The following APC variants were observed in gnomAD, a reference collection of about 807,000 sequenced individuals.
APC encodes adenomatous polyposis coli protein.
Under a neutral mutation model 247.0 loss-of-function variants are expected in APC, and 72 were observed. That is an observed-to-expected ratio of 0.29 (90% CI 0.24 to 0.35). APC has a LOEUF of 0.35. APC is among the 10% of genes least tolerant of loss of function. The pLI is 1.00. For synonymous variants in APC, 1,254 were observed against 1,162.5 expected, an observed-to-expected ratio of 1.08 and a Z score of -1.60; for missense variants, 3,400 against 3,360.7, an observed-to-expected ratio of 1.01 and a Z score of -0.29.
chr5:112,709,283 A>G (rs1463866363), intron 1 of APC, among the ~76,000 whole-genome samples: 1 of 152,262 alleles, frequency 6.6e-6, no homozygotes, highest in Non-Finnish European at 1.5e-5. Context: ...CTCATAACAC[A>G]TAATCTATTT....
chr5:112,772,810 C>T (rs1757208057), intron 4 of APC, among the ~76,000 whole-genome samples: 1 of 152,206 alleles, frequency 6.6e-6, no homozygotes, highest in South Asian at 2.1e-4. Flanking sequence ...ACCCGCCGTG[C>T]CTGGCCCCAA....
chr5:112,793,705 T>C (rs1580428854), intron 7 of APC, among the ~76,000 whole-genome samples: 1 of 152,026 alleles, frequency 6.6e-6, no homozygotes, highest in East Asian at 1.9e-4. Context: ...AAAAAGAAAA[T>C]GGAGAAACTG....
intron 5 of APC, among the ~76,000 whole-genome samples, chr5:112,776,124 G>A (rs1757620718): frequency 6.6e-6 from 1 of 152,018 alleles, no homozygotes; most frequent in African/African-American, 2.4e-5. Flanking sequence ...AATAGTTTTT[G>A]CAATAAAAAT....
chr5:112,767,619 T>C lies in APC; in HGVS notation c.422+229T>C, dbSNP rs188223602. Among the ~76,000 whole-genome samples, 541 of 152,140 alleles carry C rather than the reference T, an allele frequency of 3.6e-3. 3 individuals are homozygous for C. Among genetic ancestry groups the C allele is most frequent in the African/African-American group, 0.013 (520 of 41,498 alleles). ...AAGACCTATTTTGTCACTTATTTTG[T>C]TTTTTTGTTTGTTTTTTGGGGTTTA... On this transcript the variant is annotated intron_variant, in intron 4 of 15. Coordinates refer to ENST00000257430, the MANE Select transcript of APC (RefSeq NM_000038.6).
intron 6 of APC, among the ~76,000 whole-genome samples, chr5:112,788,074 G>A (rs1759175334): frequency 6.6e-6 from 1 of 152,082 alleles, no homozygotes; most frequent in East Asian, 1.9e-4. Context: ...TCATCGATGA[G>A]TAATGTCATC....
At chr5:112,714,728 C>A (rs1297713245) in intron 1 of APC, among the ~76,000 whole-genome samples, 3 of 152,166 alleles carry the variant, frequency 2.0e-5, no homozygotes, top group Non-Finnish European at 4.4e-5. Flanking sequence ...AAACATCTAT[C>A]CCTAAAAAGT....
intron 3 of APC, 83 bp from the exon 4 acceptor site, chr5:112,767,106 C>G (rs1476484954): frequency 8.5e-7 from 1 of 1,173,000 alleles, no homozygotes; most frequent in Non-Finnish European, 1.2e-6. Flanking sequence ...CCTAATATTT[C>G]ACTTTAAAAT....
intron 14 of APC, among the ~76,000 whole-genome samples, chr5:112,831,444 A>T (rs948265429): frequency 3.9e-5 from 6 of 152,236 alleles, no homozygotes; most frequent in African/African-American, 1.4e-4. Context: ...TATAATATCC[A>T]GTTCTGATTT....
chr5:112,822,880 A>C (rs1010364900), intron 11 of APC, among the ~76,000 whole-genome samples: 1 of 152,182 alleles, frequency 6.6e-6, no homozygotes, highest in African/African-American at 2.4e-5. Flanking sequence ...AGACTCTTAC[A>C]CAGAGAACCT....
At chr5:112,741,724 A>C (rs1014320474) in intron 1 of APC, among the ~76,000 whole-genome samples, 2 of 152,144 alleles carry the variant, frequency 1.3e-5, no homozygotes, top group African/African-American at 4.8e-5. Context: ...CATCTCTAGA[A>C]ATTTTTAATC....
At chr5:112,834,460 G>C (rs978319974) in intron 14 of APC, among the ~76,000 whole-genome samples, 3 of 151,110 alleles carry the variant, frequency 2.0e-5, no homozygotes, top group South Asian at 2.1e-4. Context: ...GGCGAGGCTG[G>C]TCTTGAACTC....
intron 5 of APC, among the ~76,000 whole-genome samples, chr5:112,777,010 C>G (rs577218165): frequency 1.3e-5 from 2 of 152,224 alleles, no homozygotes; most frequent in African/African-American, 4.8e-5. Context: ...AGAAATTTTG[C>G]AAACCATTGC....
intron 1 of APC, among the ~76,000 whole-genome samples, chr5:112,713,948 G>A (rs549172578): frequency 1.3e-5 from 2 of 152,186 alleles, no homozygotes; most frequent in African/African-American, 2.4e-5. Flanking sequence ...GTTAGCCACC[G>A]TGCCGAGCCT....
intron 4 of APC, among the ~76,000 whole-genome samples, chr5:112,775,195 C>T (rs547736342): frequency 4.7e-4 from 72 of 152,112 alleles, no homozygotes; most frequent in Non-Finnish European, 8.8e-4. Flanking sequence ...AGCTGAAAGC[C>T]ACATCAGTGT....
intron 1 of APC, among the ~76,000 whole-genome samples, chr5:112,747,374 C>A (rs934401562): frequency 6.6e-6 from 1 of 152,112 alleles, no homozygotes; most frequent in Admixed American, 6.6e-5. Context: ...GAGAATTGAG[C>A]TATAAGAAAT....
chr5:112,720,576 A>G (rs940305380), intron 1 of APC, among the ~76,000 whole-genome samples: 3 of 152,194 alleles, frequency 2.0e-5, no homozygotes, highest in East Asian at 1.9e-4. Context: ...TGACTTGCCT[A>G]AAAATATGAG....
chr5:112,806,805 C>T (rs1761453077), intron 8 of APC, among the ~76,000 whole-genome samples: 1 of 151,974 alleles, frequency 6.6e-6, no homozygotes, highest in Non-Finnish European at 1.5e-5. Flanking sequence ...TTTGAATTCC[C>T]AAGCTCAAGC....
Position 112,786,367 on chromosome 5 carries a change from C to T in APC, c.645+5464C>T, listed in dbSNP as rs114452800. Among the ~76,000 whole-genome samples, 494 of 152,322 alleles carry T rather than the reference C, an allele frequency of 3.2e-3. 6 individuals are homozygous for T. Among genetic ancestry groups the T allele is most frequent in the African/African-American group, 0.011 (469 of 41,574 alleles). ...ATAATTTAGGAAAACTCAAAATCCA[C>T]TTGTGCCTACCTATGTGAGATTGTT... On this transcript the variant is annotated intron_variant, in intron 6 of 15. Transcript: ENST00000257430.
intron 1 of APC, among the ~76,000 whole-genome samples, chr5:112,730,347 G>A (rs1752038442): frequency 6.6e-6 from 1 of 152,216 alleles, no homozygotes; most frequent in African/African-American, 2.4e-5. Flanking sequence ...AAGCTGCTCT[G>A]AAAGGTACCT....
Sources: allele counts gnomAD v4.1 joint callset (sites outside exome capture counted in the v4.1 genomes callset), GRCh38; gene constraint gnomAD v4.1.1; transcripts MANE v1.5; gene names NCBI Gene and HGNC (gene_info 2026-07-23, HGNC 2026-07-21).